Variants in RTL1 observed in about 807,000 individuals in gnomAD.
RTL1 encodes the protein retrotransposon-like protein 1.
For missense variants in RTL1, 1,681 were observed against 1,767.5 expected (o/e 0.95, Z 0.88); for synonymous variants, 727 against 748.4 (o/e 0.97, Z 0.47).
At chr14:100,899,838 T>A (rs1250627441) in intron 2 of RTL1, among the ~76,000 whole-genome samples, 1 of 152,072 alleles carries the variant, frequency 6.6e-6, no homozygotes, top group Non-Finnish European at 1.5e-5. Flanking sequence ...TCGGTAGCTC[T>A]CCCCATCTTA....
chr14:100,883,244 T>G lies in RTL1; in HGVS notation c.1545A>C (p.Glu515Asp). ...TGCAGCGGCCTTTGATCCAGTCGAC[T>G]TCGGGGGCGTGGACTCGGAGCCAGC... is the stretch of plus-strand genomic sequence containing the variant. ...GIRWLRVHAP[E>D]VDWIKGRCTF... Residue 515 changes from glutamate to aspartate, a missense_variant, in exon 4 of 4, where the codon GAA becomes GAC. By Grantham distance (45) the Glu-to-Asp change is conservative. Transcript: ENST00000649591. The surrounding 1 kb of genome is among the most constrained non-coding windows in gnomAD (Gnocchi z 5.9). 1 of 1,551,632 alleles carries G rather than the reference T, an allele frequency of 6.4e-7. No homozygotes were observed.
chr14:100,897,820 G>A lies in RTL1; in HGVS notation c.-148-4315C>T, dbSNP rs1051979396. ...TTGGTGGCGGCAGGTGTAAGTAATTGCTGAGATTTGGGTTTGGGGAGTGGG... is the reference window on the plus strand; with the variant it reads ...TTGGTGGCGGCAGGTGTAAGTAATTACTGAGATTTGGGTTTGGGGAGTGGG... On this transcript the variant is annotated intron_variant, in intron 2 of 3. Coordinates refer to ENST00000649591, the MANE Select transcript of RTL1 (RefSeq NM_001134888.3). 347 of 231,174 alleles carry A rather than the reference G, an allele frequency of 1.5e-3. 2 individuals carry two copies. Among genetic ancestry groups the A allele is most frequent in the African/African-American group, 8.0e-3 (326 of 40,884 alleles). 14.3% of individuals were successfully genotyped at this position (231,174 alleles called of 1,614,324 possible).
Position 100,884,179 on chromosome 14 carries a change from T to C in RTL1, c.610A>G (p.Lys204Glu). ...GINAGQLPAP[K>E]HFSGDRREFH... Reference sequence around the variant, plus strand: ...TCTCTGCGATCGCCAGAGAAGTGCTTTGGGGCGGGCAGTTGGCCTGCATTG... The same window carrying C: ...TCTCTGCGATCGCCAGAGAAGTGCTCTGGGGCGGGCAGTTGGCCTGCATTG... The change falls in exon 4 of 4, where the codon AAG becomes GAG. Residue 204 changes from lysine to glutamate, a missense_variant. Coordinates refer to ENST00000649591, the MANE Select transcript of RTL1 (RefSeq NM_001134888.3). 6.4e-7 allele frequency: 1 copy of C among 1,551,684 alleles called. No homozygotes were observed. Among genetic ancestry groups the C allele is most frequent in the Non-Finnish European group, 8.7e-7 (1 of 1,146,964 alleles).
intron 3 of RTL1, among the ~76,000 whole-genome samples, chr14:100,889,280 T>C (rs2038736473): frequency 6.6e-6 from 1 of 152,226 alleles, no homozygotes; most frequent in African/African-American, 2.4e-5. Flanking sequence ...ATCATGGCAC[T>C]CCCAGCTTCA....
intron 2 of RTL1, among the ~76,000 whole-genome samples, chr14:100,902,280 C>T (rs1566762662): frequency 6.6e-6 from 1 of 152,204 alleles, no homozygotes; most frequent in Non-Finnish European, 1.5e-5. Context: ...CTTTTCAGTC[C>T]TCTCCTTTCT....
rs1359550541 is a variant in RTL1, at chr14:100,884,511, T to C, written c.278A>G (p.Asn93Ser). The change falls in exon 4 of 4, where the codon AAT (asparagine) becomes AGT (serine). Residue 93 changes from asparagine to serine, a missense_variant. Transcript: ENST00000649591. ...GPRKEIEDPP[N>S]DLLQDLEESC... ...CTCCTCCAGGTCTTGGAGTAGGTCA[T>C]TGGGTGGATCCTCTATTTCCTTACG... The C allele has an allele frequency of 6.2e-7, 1 of 1,614,086 alleles. No individual in the cohort carries two copies. The highest frequency in any genetic ancestry group is 8.5e-7 in the Non-Finnish European group (1 of 1,179,958).
At position 100,883,776 on chromosome 14, in the gene RTL1, A is replaced by G. The variant is rs1190874324; in HGVS notation, c.1013T>C (p.Leu338Pro). ...GGAATCCGGCTGAGGGACCCGGAATAGATAGTGCCTGATCTCCTCGTTGAG... is the reference window on the plus strand; with the variant it reads ...GGAATCCGGCTGAGGGACCCGGAATGGATAGTGCCTGATCTCCTCGTTGAG... ...QGLNEEIRHY[L>P]FRVPQPDSLD... is the part of the protein sequence containing the mutation. The change falls in exon 4 of 4, where the codon CTA becomes CCA. Residue 338 changes from leucine (L) to proline (P), a missense_variant. Physicochemically the swap from Leu to Pro is moderately conservative, Grantham distance 98. Transcript: ENST00000649591. This position sits in a 1 kb window ranked among gnomAD's most constrained non-coding sequence, Gnocchi z 5.9. 3 of 1,551,668 alleles carry G rather than the reference A, an allele frequency of 1.9e-6. No individual in the cohort carries two copies. The highest frequency in any genetic ancestry group is 2.6e-6 in the Non-Finnish European group (3 of 1,146,990).
chr14:100,883,322 G>C lies in RTL1; in HGVS notation c.1467C>G (p.Ser489=), dbSNP rs2140036456. 6.4e-7 allele frequency: 1 copy of C among 1,551,374 alleles called. No individual in the cohort carries two copies. Among genetic ancestry groups the C allele is most frequent in the South Asian group, 1.2e-5 (1 of 84,030 alleles). ...GTGAAGGTACGATGTCAAATTCGAT[G>C]GACTCCTGGTGGTTCTGGTGGATAC... ...LVCIHQNHQE[S]IEFDIVPSPN... The change falls in exon 4 of 4, where the codon TCC becomes TCG. Residue 489 remains serine, a synonymous_variant. Transcript: ENST00000649591. This position sits in a 1 kb window ranked among gnomAD's most constrained non-coding sequence, Gnocchi z 5.9.
chr14:100,894,309 C>CAAAAA (rs562868034), intron 2 of RTL1, among the ~76,000 whole-genome samples: 1 of 72,472 alleles, frequency 1.4e-5, no homozygotes, highest in Non-Finnish European at 3.2e-5. Flanking sequence ...AACTCCGTCT[C>CAAAAA]AAAAAAAAAA....
chr14:100,898,404 C>T (rs1390725142), intron 2 of RTL1, among the ~76,000 whole-genome samples: 1 of 152,168 alleles, frequency 6.6e-6, no homozygotes, highest in Non-Finnish European at 1.5e-5. Context: ...TCCTTTACCC[C>T]AGCTTCTTAG....
At chr14:100,888,302 A>C (rs749620454) in intron 3 of RTL1, among the ~76,000 whole-genome samples, 3 of 152,234 alleles carry the variant, frequency 2.0e-5, no homozygotes, top group Non-Finnish European at 2.9e-5. Context: ...TTGTTTGAGC[A>C]TGTAACTTCT....
In RTL1 at chr14:100,900,030, C is replaced by T. The variant is rs1273411238; in HGVS notation, c.-149+3261G>A. On this transcript the variant is annotated intron_variant, in intron 2 of 3. Transcript: ENST00000649591. ...GTGTGCTTTCTTGAACACCTGGGGG[C>T]CGGGGAAGGGGCTGCCCTACCACTT... 4.6e-5 allele frequency among the ~76,000 whole-genome samples: 7 copies of T among 152,316 alleles called. No individual in the cohort carries two copies. In the South Asian group the frequency reaches 6.2e-4, roughly 14 times the overall value.
At position 100,884,149 on chromosome 14, in the gene RTL1, G is replaced by A; in HGVS notation, c.640C>T (p.His214Tyr). 6.4e-7 allele frequency: 1 copy of A among 1,551,722 alleles called. No homozygotes were observed. Among genetic ancestry groups the A allele is most frequent in the Non-Finnish European group, 8.7e-7 (1 of 1,146,990 alleles). ...KHFSGDRREFHEFIVLCQLTL... is the reference protein window; with the variant it reads ...KHFSGDRREFYEFIVLCQLTL... The stretch of plus-strand genomic sequence containing the variant: ...AGTTGGCAGAGTACGATGAACTCGT[G>A]GAATTCTCTGCGATCGCCAGAGAAG... Residue 214 changes from histidine (H) to tyrosine (Y), a missense_variant, in exon 4 of 4, where the codon CAC becomes TAC. Transcript: ENST00000649591.
At chr14:100,894,316 A>T (rs576496187) in intron 2 of RTL1, among the ~76,000 whole-genome samples, 1 of 147,398 alleles carries the variant, frequency 6.8e-6, no homozygotes, top group East Asian at 1.9e-4. Context: ...TCTCAAAAAA[A>T]AAAAAAAAAA....
At position 100,883,668 on chromosome 14, in the gene RTL1, G is replaced by A. The variant is rs1436879433; in HGVS notation, c.1121C>T (p.Ala374Val). 2 of 1,551,450 alleles carry A rather than the reference G, an allele frequency of 1.3e-6. No homozygotes were observed. Among genetic ancestry groups the A allele is most frequent in the Admixed American group, 2.0e-5 (1 of 50,990 alleles). The change falls in exon 4 of 4, where the codon GCC becomes GTC. Residue 374 changes from alanine to valine, a missense_variant. Transcript: ENST00000649591. The surrounding 1 kb of genome is among the most constrained non-coding windows in gnomAD (Gnocchi z 5.9). ...RRAMLRLPPE[A>V]RPRNLTWIDS... ...GATCCAGGTCAGGTTCCGGGGGCGG[G>A]CCTCGGGGGGCAGCCTGAGCATAGC...
Position 100,881,120 on chromosome 14 carries a change from G to C in RTL1, c.3669C>G (p.His1223Gln). 1 of 1,574,564 alleles carries C rather than the reference G, an allele frequency of 6.4e-7. No homozygotes were observed. The highest frequency in any genetic ancestry group is 8.6e-7 in the Non-Finnish European group (1 of 1,159,110). ...ALRQNRYLEL[H>Q]VVGDEDVVLR... is the part of the protein sequence containing the mutation. ...AGACGACATCCTCATCACCAACGACGTGCAGCTCCAGGTAGCGGTTCTGAC... is the reference window on the plus strand; with the variant it reads ...AGACGACATCCTCATCACCAACGACCTGCAGCTCCAGGTAGCGGTTCTGAC... Residue 1223 changes from histidine to glutamine, a missense_variant, in exon 4 of 4, where the codon CAC (histidine) becomes CAG (glutamine). Physicochemically the swap from His to Gln is conservative, Grantham distance 24. Transcript: ENST00000649591. This position sits in a 1 kb window ranked among gnomAD's most constrained non-coding sequence, Gnocchi z 6.6.
chr14:100,899,778 C>A (rs1019291439), intron 2 of RTL1, among the ~76,000 whole-genome samples: 1 of 150,942 alleles, frequency 6.6e-6, no homozygotes, highest in Non-Finnish European at 1.5e-5. Context: ...GAGGAAATAA[C>A]GCAAATAAAT....
intron 3 of RTL1, among the ~76,000 whole-genome samples, chr14:100,887,804 A>G (rs1208021782): frequency 6.6e-6 from 1 of 152,076 alleles, no homozygotes; most frequent in Non-Finnish European, 1.5e-5. Context: ...GCATGGCATA[A>G]AAATGTAATT....
chr14:100,897,949 C>G (rs2038891622), intron 2 of RTL1: 1 of 516,632 alleles, frequency 1.9e-6, no homozygotes, highest in Non-Finnish European at 3.9e-6. Flanking sequence ...TGTTTATGAA[C>G]AAAAGATCAT....
Sources: gnomAD v4.1 joint callset for allele counts (sites outside exome capture counted in the v4.1 genomes callset) on GRCh38, gnomAD v4.1.1 for gene constraint, Gnocchi (gnomAD v3.1) non-coding constraint, MANE v1.5 for transcripts, NCBI Gene and HGNC (gene_info 2026-07-23, HGNC 2026-07-21) for gene names.